The following DTNA variants were observed in gnomAD, a reference collection of about 807,000 sequenced individuals.
DTNA encodes dystrophin-related protein 3.
Under a neutral mutation model 100.7 loss-of-function variants are expected in DTNA, and 43 were observed. The ratio of observed to expected loss-of-function variants is 0.43; its 90% confidence interval spans 0.33 to 0.55. The LOEUF (loss-of-function observed/expected upper bound fraction) is 0.55. Ranked by LOEUF, DTNA falls within the 20% of genes least tolerant of loss-of-function variation. The pLI is 0.04. For synonymous variants in DTNA, 349 were observed against 347.9 expected, an observed-to-expected ratio of 1.00 and a Z score of -0.04; for missense variants, 798 against 953.9, an observed-to-expected ratio of 0.84 and a Z score of 2.15.
At chr18:34,645,580 TC>T (rs1324964495) in intron 1 of DTNA, among the ~76,000 whole-genome samples, 2 of 152,060 alleles carry the variant, frequency 1.3e-5, no homozygotes, top group Non-Finnish European at 2.9e-5. Flanking sequence ...AGAATAAATC[TC>T]AAGAAGGGCT....
At chr18:34,494,168 C>T (rs949877106) in intron 1 of DTNA, 4 of 152,246 alleles carry the variant, frequency 2.6e-5, no homozygotes, top group Non-Finnish European at 5.9e-5. Flanking sequence ...CTTGGTCATC[C>T]TCTCGGGCTG....
intron 1 of DTNA, among the ~76,000 whole-genome samples, chr18:34,518,668 A>G (rs1029986884): frequency 8.3e-6 from 1 of 120,040 alleles, no homozygotes; most frequent in African/African-American, 3.0e-5. Flanking sequence ...AATGTCTTCA[A>G]TTTTGACTTA....
chr18:34,663,048 A>T (rs868534528), intron 1 of DTNA: 5 of 152,216 alleles, frequency 3.3e-5, no homozygotes, highest in African/African-American at 9.6e-5. Context: ...ACTGGTAGTA[A>T]TATTTCTTCA....
At chr18:34,830,184 A>G (rs2095970958) in intron 11 of DTNA, among the ~76,000 whole-genome samples, 1 of 152,136 alleles carries the variant, frequency 6.6e-6, no homozygotes, top group South Asian at 2.1e-4. Context: ...AATATGACCT[A>G]TGGCTCTGCC....
intron 1 of DTNA, among the ~76,000 whole-genome samples, chr18:34,576,423 T>C (rs2048118590): frequency 1.3e-5 from 2 of 152,114 alleles, no homozygotes; most frequent in African/African-American, 2.4e-5. Context: ...CACAAATAAA[T>C]TGGTTTGTGA....
At chr18:34,712,269 T>C (rs539490605) in intron 1 of DTNA, among the ~76,000 whole-genome samples, 1 of 152,202 alleles carries the variant, frequency 6.6e-6, no homozygotes, top group South Asian at 2.1e-4. Flanking sequence ...TGGAAAGGGT[T>C]AAATCTGTAT....
At chr18:34,588,658 G>A (rs549875755) in intron 1 of DTNA, among the ~76,000 whole-genome samples, 1 of 137,182 alleles carries the variant, frequency 7.3e-6, no homozygotes, top group East Asian at 1.9e-4. Context: ...ATGAGGAAAT[G>A]CTGCAATTAT....
At chr18:34,671,395 C>T (rs1221120006) in intron 1 of DTNA, among the ~76,000 whole-genome samples, 2 of 152,166 alleles carry the variant, frequency 1.3e-5, no homozygotes, top group African/African-American at 2.4e-5. Context: ...GGCAATGCCT[C>T]GCCCTGCTTT....
At chr18:34,589,567 C>A (rs1267458110) in intron 1 of DTNA, among the ~76,000 whole-genome samples, 1 of 152,074 alleles carries the variant, frequency 6.6e-6, no homozygotes, top group East Asian at 1.9e-4. Flanking sequence ...CGAGATTGTG[C>A]CACTGTACTC....
intron 16 of DTNA, among the ~76,000 whole-genome samples, chr18:34,860,209 G>C (rs1422054087): frequency 6.9e-6 from 1 of 145,144 alleles, no homozygotes; most frequent in African/African-American, 2.6e-5. Flanking sequence ...ACCACGCCCG[G>C]CTAATTTTTT....
At chr18:34,722,602 T>TACACACACACACACACAC (rs1299705114) in intron 1 of DTNA, among the ~76,000 whole-genome samples, 1 of 132,418 alleles carries the variant, frequency 7.6e-6, no homozygotes, top group Non-Finnish European at 1.7e-5. Flanking sequence ...CATATATATA[T>TACACACACACACACACAC]ACATACACAC....
intron 1 of DTNA, among the ~76,000 whole-genome samples, chr18:34,595,784 A>G (rs528363194): frequency 6.6e-6 from 1 of 152,340 alleles, no homozygotes; most frequent in East Asian, 1.9e-4. Context: ...GTTTTCCTCC[A>G]GAGAAGACTT....
intron 15 of DTNA, among the ~76,000 whole-genome samples, chr18:34,857,755 A>G (rs1387572719): frequency 6.6e-6 from 1 of 152,144 alleles, no homozygotes; most frequent in Non-Finnish European, 1.5e-5. Flanking sequence ...GGGTTTTCTC[A>G]GATAAATTCA....
chr18:34,771,472 C>A (rs2093769922), intron 3 of DTNA, among the ~76,000 whole-genome samples: 1 of 151,632 alleles, frequency 6.6e-6, no homozygotes, highest in Non-Finnish European at 1.5e-5. Flanking sequence ...TGCACTCCAG[C>A]CTGAGTGATA....
In DTNA at chr18:34,731,433, T is replaced by C. The variant is rs2064981623; in HGVS notation, c.-2+20988T>C. ...AGCGGAGCTTGCAGTGAGCCGAGATTGCGCCACTGCAGTCCGCAGTCCAGC... is the reference window on the plus strand; with the variant it reads ...AGCGGAGCTTGCAGTGAGCCGAGATCGCGCCACTGCAGTCCGCAGTCCAGC... On this transcript the variant is annotated intron_variant, in intron 1 of 22. Transcript: ENST00000444659. Among the ~76,000 whole-genome samples, 8 of 151,604 alleles carry C rather than the reference T, an allele frequency of 5.3e-5. No individual in the cohort carries two copies. In the South Asian group the frequency reaches 1.7e-3, roughly 32 times the overall value.
Position 34,514,362 on chromosome 18 carries a change from G to A in DTNA, c.-2+20848G>A, listed in dbSNP as rs114880570. Among the ~76,000 whole-genome samples the A allele has an allele frequency of 5.5e-3, 830 of 152,190 alleles. 10 individuals are homozygous for A. The highest frequency in any genetic ancestry group is 0.019 in the African/African-American group (789 of 41,526). Reference sequence around the variant, plus strand: ...CACTGCCAGAATTTCTGATTAATCAGTCTGGACTGGGAACCAATATTTGCA... The same window carrying A: ...CACTGCCAGAATTTCTGATTAATCAATCTGGACTGGGAACCAATATTTGCA... On this transcript the variant is annotated intron_variant, in intron 1 of 19. Transcript: ENST00000283365.
intron 3 of DTNA, among the ~76,000 whole-genome samples, chr18:34,779,321 GT>G (rs2148771641): frequency 6.6e-6 from 1 of 152,258 alleles, no homozygotes; most frequent in African/African-American, 2.4e-5. Flanking sequence ...TGTCTATTGA[GT>G]AATGACTCTA....
At chr18:34,614,332 A>G (rs1457495481) in intron 1 of DTNA, among the ~76,000 whole-genome samples, 1 of 152,204 alleles carries the variant, frequency 6.6e-6, no homozygotes, top group East Asian at 1.9e-4. Context: ...CATGCTTCCC[A>G]AGACAACGTC....
At chr18:34,531,867 T>C (rs542444413) in intron 1 of DTNA, among the ~76,000 whole-genome samples, 3 of 152,232 alleles carry the variant, frequency 2.0e-5, no homozygotes, top group Non-Finnish European at 2.9e-5. Context: ...GGTTTTTGGC[T>C]TTTAGTTCTG....
Sources: gnomAD v4.1 joint callset for allele counts (sites outside exome capture counted in the v4.1 genomes callset) on GRCh38, gnomAD v4.1.1 for gene constraint, MANE v1.5 for transcripts, NCBI Gene and HGNC (gene_info 2026-07-23, HGNC 2026-07-21) for gene names.